The following PAK5 variants were observed in gnomAD, a reference collection of about 807,000 sequenced individuals.
PAK5 encodes the protein p21 (RAC1) activated kinase 5.
Under a neutral mutation model 65.9 loss-of-function variants are expected in PAK5, and 16 were observed. That is an observed-to-expected ratio of 0.24 (90% CI 0.16 to 0.37). The LOEUF (loss-of-function observed/expected upper bound fraction) is 0.37. Ranked by LOEUF, PAK5 falls within the 10% of genes least tolerant of loss-of-function variation. The pLI is 1.00. For missense variants in PAK5, 785 were observed against 903.9 expected (o/e 0.87, Z 1.69); for synonymous variants, 371 against 354.9 (o/e 1.05, Z -0.51).
intron 1 of PAK5, among the ~76,000 whole-genome samples, chr20:9,828,655 C>T (rs1978469085): frequency 6.6e-6 from 1 of 152,272 alleles, no homozygotes; most frequent in South Asian, 2.1e-4. Flanking sequence ...ATTATACAAA[C>T]ACCATTTGCA....
At chr20:9,675,764 C>CTA (rs1404467142) in intron 2 of PAK5, among the ~76,000 whole-genome samples, 2 of 152,188 alleles carry the variant, frequency 1.3e-5, no homozygotes, top group Admixed American at 1.3e-4. Context: ...GAAAGGCAAA[C>CTA]TATATAGTCA....
At chr20:9,673,874 G>A (rs1172330141) in intron 2 of PAK5, among the ~76,000 whole-genome samples, 5 of 152,196 alleles carry the variant, frequency 3.3e-5, no homozygotes, top group African/African-American at 1.2e-4. Context: ...GCACTCCTGG[G>A]AGGGCCACTG....
chr20:9,694,304 TTGTGTGTGTGTGTGTTTG>T (rs1462673723), intron 2 of PAK5, among the ~76,000 whole-genome samples: 94 of 106,296 alleles, frequency 8.8e-4, no homozygotes, highest in East Asian at 3.6e-3. Context: ...GTGTGTGTGT[TTGTGTGTGTGTGTGTTTG>T]TGTGTGTGTG....
intron 3 of PAK5, among the ~76,000 whole-genome samples, chr20:9,608,505 T>C (rs2046497138): frequency 6.6e-6 from 1 of 152,242 alleles, no homozygotes; most frequent in Admixed American, 6.5e-5. Flanking sequence ...AATCCTCCAT[T>C]GTCTCTAGGT....
At chr20:9,583,970 T>TA (rs774384517) in intron 3 of PAK5, among the ~76,000 whole-genome samples, 14 of 152,244 alleles carry the variant, frequency 9.2e-5, no homozygotes, top group Non-Finnish European at 1.9e-4. Flanking sequence ...ATTCCTTTTT[T>TA]ATTCCATAGT....
intron 2 of PAK5, among the ~76,000 whole-genome samples, chr20:9,672,082 A>C (rs2047507180): frequency 6.6e-6 from 1 of 152,074 alleles, no homozygotes; most frequent in African/African-American, 2.4e-5. Flanking sequence ...GAAGGACAAA[A>C]AAAACTAGAT....
chr20:9,620,031 T>C (rs774069391), intron 3 of PAK5, among the ~76,000 whole-genome samples: 7 of 152,338 alleles, frequency 4.6e-5, no homozygotes, highest in Admixed American at 3.3e-4. Context: ...AAGGATGAGA[T>C]GGAATGAAAT....
intron 1 of PAK5, among the ~76,000 whole-genome samples, chr20:9,785,646 A>G (rs570297747): frequency 6.6e-6 from 1 of 152,278 alleles, no homozygotes; most frequent in Admixed American, 6.6e-5. Context: ...TAAGATTACC[A>G]TCTTAGAGGG....
At chr20:9,743,571 T>C (rs2048474484) in intron 1 of PAK5, among the ~76,000 whole-genome samples, 1 of 152,092 alleles carries the variant, frequency 6.6e-6, no homozygotes, top group Non-Finnish European at 1.5e-5. Flanking sequence ...CTTTAGGAAG[T>C]GTATCAGAGG....
At chr20:9,690,749 TC>T (rs2047783197) in intron 2 of PAK5, among the ~76,000 whole-genome samples, 1 of 119,066 alleles carries the variant, frequency 8.4e-6, no homozygotes, top group Non-Finnish European at 1.7e-5. Context: ...TTTCTTTCTT[TC>T]TTTTTTTTTT....
intron 1 of PAK5, among the ~76,000 whole-genome samples, chr20:9,750,935 T>G (rs1313554129): frequency 1.3e-5 from 2 of 152,158 alleles, no homozygotes; most frequent in South Asian, 4.1e-4. Context: ...CCAGGCCACA[T>G]GTCTGTGCCC....
chr20:9,830,945 G>A (rs1978663937), intron 1 of PAK5, among the ~76,000 whole-genome samples: 1 of 152,166 alleles, frequency 6.6e-6, no homozygotes, highest in South Asian at 2.1e-4. Context: ...GTTTGGTTTG[G>A]TTTGGTTTTG....
chr20:9,709,383 C>A (rs565006770), intron 2 of PAK5, among the ~76,000 whole-genome samples: 2 of 152,272 alleles, frequency 1.3e-5, no homozygotes, highest in East Asian at 3.9e-4. Context: ...TTATAAGGTG[C>A]TGTGAAAAGT....
intron 3 of PAK5, among the ~76,000 whole-genome samples, chr20:9,594,968 G>A (rs185670441): frequency 7.2e-5 from 11 of 151,740 alleles, no homozygotes; most frequent in African/African-American, 1.7e-4. Context: ...TATTTATTAC[G>A]GAGAGAATTT....
In PAK5 at chr20:9,643,954, AT is replaced by A. The variant is rs944595956; in HGVS notation, c.204+170del. 8.4e-4 allele frequency among the ~76,000 whole-genome samples: 128 copies of A among 152,366 alleles called. 1 individual carries two copies. The highest frequency in any genetic ancestry group is 3.1e-3 in the African/African-American group (127 of 41,584). ...CCAAAGTTCCCTTTCATGGGCTGCA[AT>A]TTATAAGAAATGGTGAAAATTATAA... On this transcript the variant is annotated intron_variant, in intron 3 of 9. Transcript: ENST00000353224.
intron 1 of PAK5, among the ~76,000 whole-genome samples, chr20:9,791,439 G>A (rs1021135595): frequency 1.3e-5 from 2 of 151,986 alleles, no homozygotes; most frequent in Non-Finnish European, 2.9e-5. Flanking sequence ...GTGCCAACAG[G>A]GCAGGTGTGT....
chr20:9,585,874 TA>T (rs1188297981), intron 3 of PAK5, among the ~76,000 whole-genome samples: 3 of 152,134 alleles, frequency 2.0e-5, no homozygotes, highest in Non-Finnish European at 2.9e-5. Context: ...GAAGATTATT[TA>T]AAAAATGATC....
rs2122996807 is a variant in PAK5 at position 9,566,123 on chromosome 20, A to G, written c.1252T>C (p.Ser418Pro). Residue 418 changes from serine to proline, a missense_variant, in exon 5 of 10, where the codon TCC becomes CCC. By Grantham distance (74) the Ser-to-Pro change is moderately conservative (BLOSUM62 -1). Transcript: ENST00000353224. ...SSTYPPPSWGSSSDQQPSRVS... is the reference protein window; with the variant it reads ...SSTYPPPSWGPSSDQQPSRVS... Reference sequence around the variant, plus strand: ...CTGGAGGGCTGCTGGTCGGAGGAGGAGCCCCAGCTGGGCGGCGGGTAGGTG... The same window carrying G: ...CTGGAGGGCTGCTGGTCGGAGGAGGGGCCCCAGCTGGGCGGCGGGTAGGTG... The G allele has an allele frequency of 1.2e-6, 2 of 1,613,754 alleles. No individual in the cohort carries two copies. Among genetic ancestry groups the G allele is most frequent in the Non-Finnish European group, 8.5e-7 (1 of 1,179,876 alleles).
At chr20:9,687,120 C>G (rs1303701915) in intron 2 of PAK5, among the ~76,000 whole-genome samples, 1 of 152,204 alleles carries the variant, frequency 6.6e-6, no homozygotes, top group Non-Finnish European at 1.5e-5. Flanking sequence ...TCCAGCCTAT[C>G]TTATGCCCAG....
Sources: allele counts gnomAD v4.1 joint callset (sites outside exome capture counted in the v4.1 genomes callset), GRCh38; gene constraint gnomAD v4.1.1; transcripts MANE v1.5; gene names NCBI Gene and HGNC (gene_info 2026-07-23, HGNC 2026-07-21).